SESN3: variants seen among roughly 807,000 people sequenced by gnomAD.
SESN3 encodes the protein sestrin 3.
In SESN3, 21 loss-of-function variants were observed where a neutral mutation model predicts 55.3. The observed-to-expected ratio is 0.38, with a 90% CI of 0.27 to 0.55. The LOEUF is 0.55. Ranked by LOEUF, SESN3 falls within the 20% of genes least tolerant of loss-of-function variation. The probability of loss-of-function intolerance (pLI) is 0.76; values close to 1 mark genes in which losing one functional copy is unlikely to be tolerated. For synonymous variants in SESN3, 181 were observed against 203.1 expected (o/e 0.89, Z 0.93); for missense variants, 408 against 604.3 (o/e 0.68, Z 3.41).
rs948865519 is a variant in SESN3, at chr11:95,168,722, T to G, written c.*4533A>C. On this transcript the variant is annotated 3_prime_UTR_variant, in exon 10 of 10. Transcript: ENST00000536441. ...GGGATTTAGAAGGAGTTGGGATGAA[T>G]CCATAGTCTCAATGAATGGAGAAAA... 1 of 152,264 alleles carries G rather than the reference T, an allele frequency of 6.6e-6. No homozygotes were observed. Among genetic ancestry groups the G allele is most frequent in the African/African-American group, 2.4e-5 (1 of 41,444 alleles). 9.4% of individuals were successfully genotyped at this position (152,264 alleles called of 1,614,324 possible).
intron 4 of SESN3, among the ~76,000 whole-genome samples, chr11:95,186,249 G>A (rs1296940188): frequency 1.3e-5 from 1 of 79,910 alleles, no homozygotes; most frequent in Non-Finnish European, 2.7e-5. Context: ...TGTGGTGTAT[G>A]TAAGGGGGAA....
Position 95,231,181 on chromosome 11 carries a change from C to G in SESN3, c.-321G>C. On this transcript the variant is annotated 5_prime_UTR_variant, in exon 1 of 10. Coordinates refer to ENST00000536441, the MANE Select transcript of SESN3 (RefSeq NM_144665.4). ...CCGCCACCGCTGCCACCGCCACCAC[C>G]GCCGCCGCAGCGCCTCAGTGCGGCC... The G allele has an allele frequency of 2.4e-6, 1 of 420,034 alleles. No individual in the cohort carries two copies. The highest frequency in any genetic ancestry group is 4.1e-6 in the Non-Finnish European group (1 of 240,998). 26.0% of individuals were successfully genotyped at this position (420,034 alleles called of 1,614,324 possible). A position where few individuals can be genotyped will look rare whatever the true frequency, so the allele number is the denominator to read the frequency against.
At position 95,191,535 on chromosome 11, in the gene SESN3, G is replaced by T; in HGVS notation, c.211C>A (p.Arg71Ser). 6.2e-7 allele frequency: 1 copy of T among 1,612,888 alleles called. No homozygotes were observed. Among genetic ancestry groups the T allele is most frequent in the East Asian group, 2.2e-5 (1 of 44,854 alleles). The change falls in exon 3 of 10, where the codon CGT becomes AGT. Residue 71 changes from arginine (R) to serine (S), a missense_variant. Arg to Ser is a moderately radical substitution (Grantham distance 110). Transcript: ENST00000536441. ...ATGACCTGTGTGATGTTGTCCAGAC[G>T]ACCGGATGTAGAGTATTCTTCCACA... ...FLVEEYSTSG[R>S]LDNITQVMSL...
chr11:95,188,791 C>T (rs906843468), intron 4 of SESN3, among the ~76,000 whole-genome samples: 2 of 151,820 alleles, frequency 1.3e-5, no homozygotes, highest in Non-Finnish European at 2.9e-5. Context: ...CTCCCCTAGA[C>T]TCCAAGCAAA....
intron 1 of SESN3, among the ~76,000 whole-genome samples, chr11:95,213,059 C>T (rs1210410925): frequency 6.6e-6 from 1 of 151,670 alleles, no homozygotes; most frequent in East Asian, 1.9e-4. Flanking sequence ...CTCCTGTAAC[C>T]CCACCACCCA....
At position 95,184,524 on chromosome 11, in the gene SESN3, T is replaced by C. The variant is rs1382310163; in HGVS notation, c.833A>G (p.Asp278Gly). 15 of 1,613,470 alleles carry C rather than the reference T, an allele frequency of 9.3e-6. No homozygotes were observed. Among genetic ancestry groups the C allele is most frequent in the Non-Finnish European group, 1.2e-5 (14 of 1,179,716 alleles). Reference sequence around the variant, plus strand: ...CATTTCTTCTTGAGACGCCTCTTCATCTTCCCTTTCTTCTTGAAGTCTTTT... The same window carrying C: ...CATTTCTTCTTGAGACGCCTCTTCACCTTCCCTTTCTTCTTGAAGTCTTTT... Reference protein sequence around the residue: ...RMKRLQEEREDEEASQEEMST... With the variant: ...RMKRLQEEREGEEASQEEMST... Residue 278 changes from aspartate (D) to glycine (G), a missense_variant, in exon 6 of 10, where the codon GAT (aspartate) becomes GGT (glycine). Physicochemically the swap from Asp to Gly is moderately conservative, Grantham distance 94. Around this residue, in one of 4 missense-constraint regions of SESN3, gnomAD observed 119 missense variants for 139.9 expected, o/e 0.85. Transcript: ENST00000536441.
At chr11:95,210,185 G>A (rs1483146416) in intron 1 of SESN3, among the ~76,000 whole-genome samples, 2 of 151,222 alleles carry the variant, frequency 1.3e-5, no homozygotes, top group African/African-American at 4.9e-5. Context: ...CATGGACACA[G>A]GGAGGGGAAT....
rs1219965896 is a variant in SESN3 at position 95,165,581 on chromosome 11, CCTA to C, written c.*7671_*7673del. ...CCAATTTTATTGAACCAATAAAATT[CCTA>C]CTAATAACAATGAAATAAATTTCTG... On this transcript the variant is annotated 3_prime_UTR_variant, in exon 10 of 10. Transcript: ENST00000536441. The C allele has an allele frequency of 2.6e-5, 4 of 152,050 alleles. No individual in the cohort carries two copies. Among genetic ancestry groups the C allele is most frequent in the African/African-American group, 9.7e-5 (4 of 41,408 alleles). 9.4% of individuals were successfully genotyped at this position (152,050 alleles called of 1,614,324 possible). A position where few individuals can be genotyped will look rare whatever the true frequency, so the allele number is the denominator to read the frequency against.
At chr11:95,201,713 T>C (rs1445027694) in intron 1 of SESN3, among the ~76,000 whole-genome samples, 1 of 152,098 alleles carries the variant, frequency 6.6e-6, no homozygotes, top group Non-Finnish European at 1.5e-5. Context: ...ATTAGCACTA[T>C]ACTACTAGTT....
At chr11:95,224,452 C>G in intron 1 of SESN3, 1 of 440,498 alleles carries the variant, frequency 2.3e-6, no homozygotes, top group East Asian at 7.3e-5. Context: ...CAAAGATTAC[C>G]TTGTCCATTA....
chr11:95,180,342 T>G (rs1860037284), intron 6 of SESN3, among the ~76,000 whole-genome samples: 1 of 152,214 alleles, frequency 6.6e-6, no homozygotes, highest in Non-Finnish European at 1.5e-5. Flanking sequence ...TCTTTGCTAT[T>G]GCATGAACAT....
At chr11:95,183,681 CA>C (rs34308912) in intron 6 of SESN3, among the ~76,000 whole-genome samples, 35,280 of 93,404 alleles carry the variant, frequency 0.38, 3,432 homozygotes, top group East Asian at 0.54. Context: ...GACTCTGTCT[CA>C]AAAAAAAAAA....
chr11:95,185,323 A>G lies in SESN3; in HGVS notation c.695T>C (p.Phe232Ser), dbSNP rs771660353. The G allele has an allele frequency of 6.2e-7, 1 of 1,613,014 alleles. No individual in the cohort carries two copies. Among genetic ancestry groups the G allele is most frequent in the Non-Finnish European group, 8.5e-7 (1 of 1,179,442 alleles). ...NGFRLISVNN[F>S]CVCDLANDNN... ...GTCATTAGCAAGATCACAAACGCAG[A>G]AATTGTTGACTGATATTAGCCTGAA... The change falls in exon 5 of 10, where the codon TTC (phenylalanine) becomes TCC (serine). Residue 232 changes from phenylalanine to serine, a missense_variant. Physicochemically the swap from Phe to Ser is radical, Grantham distance 155. Around this residue, in one of 4 missense-constraint regions of SESN3, gnomAD observed 119 missense variants for 139.9 expected, o/e 0.85. Transcript: ENST00000536441.
chr11:95,184,234 C>T (rs1300556931), intron 6 of SESN3, 186 bp downstream of exon 6: 10 of 606,344 alleles, frequency 1.6e-5, no homozygotes, highest in Non-Finnish European at 2.9e-5. Flanking sequence ...TCAACTCAAT[C>T]TGAAATACAT....
chr11:95,212,462 C>T (rs1416784810), intron 1 of SESN3, among the ~76,000 whole-genome samples: 1 of 151,862 alleles, frequency 6.6e-6, no homozygotes, highest in African/African-American at 2.4e-5. Flanking sequence ...TATAAAGTAG[C>T]CATCTTTTTC....
Position 95,230,767 on chromosome 11 carries a change from C to CGGGCCG in SESN3, c.78+10_78+15dup, listed in dbSNP as rs1252448391. The CGGGCCG allele has an allele frequency of 6.3e-7, 1 of 1,594,694 alleles. No homozygotes were observed. Among genetic ancestry groups the CGGGCCG allele is most frequent in the South Asian group, 1.1e-5 (1 of 90,468 alleles). On this transcript the variant is annotated intron_variant, in intron 1 of 9. Coordinates refer to ENST00000536441, the MANE Select transcript of SESN3 (RefSeq NM_144665.4). This position sits in a 1 kb window ranked among gnomAD's most constrained non-coding sequence, Gnocchi z 4.6. The stretch of plus-strand genomic sequence containing the variant: ...GAAGCGACCCTCGCCGGCAGGACCC[C>CGGGCCG]GGGCCGAACCCGTACCTTCCGCAGC...
At position 95,171,944 on chromosome 11, in the gene SESN3, C is replaced by A. The variant is rs908877008; in HGVS notation, c.*1311G>T. On this transcript the variant is annotated 3_prime_UTR_variant, in exon 10 of 10. Transcript: ENST00000536441. The stretch of plus-strand genomic sequence containing the variant: ...TTATTCCTCCCCTATGACTTAATAA[C>A]GTTTTTAAACCAGTTGTCCAAGGAG... The A allele has an allele frequency of 1.3e-5, 2 of 152,054 alleles. No individual in the cohort carries two copies. The highest frequency in any genetic ancestry group is 2.9e-5 in the Non-Finnish European group (2 of 67,984). 9.4% of individuals were successfully genotyped at this position (152,054 alleles called of 1,614,324 possible). A position where few individuals can be genotyped will look rare whatever the true frequency, so the allele number is the denominator to read the frequency against.
intron 1 of SESN3, among the ~76,000 whole-genome samples, chr11:95,201,816 T>C (rs1360632720): frequency 6.6e-6 from 1 of 152,108 alleles, no homozygotes; most frequent in Non-Finnish European, 1.5e-5. Context: ...CCACTTTCCA[T>C]GTAATGCCAC....
At chr11:95,200,980 ACTT>A (rs1257767239) in intron 1 of SESN3, 1 of 152,058 alleles carries the variant, frequency 6.6e-6, no homozygotes, top group African/African-American at 2.4e-5. Context: ...ATCTTTGACT[ACTT>A]CAACCTTAGA....
Sources: allele counts gnomAD v4.1 joint callset (sites outside exome capture counted in the v4.1 genomes callset), GRCh38; gene constraint gnomAD v4.1.1; regional missense constraint gnomAD v4.1.1; non-coding constraint Gnocchi (gnomAD v3.1); transcripts MANE v1.5; gene names NCBI Gene and HGNC (gene_info 2026-07-23, HGNC 2026-07-21).